Variants in RPLP1 observed in about 807,000 individuals in gnomAD.
RPLP1 encodes the protein ribosomal protein lateral stalk subunit P1.
In RPLP1, 4 loss-of-function variants were observed where a neutral mutation model predicts 11.6. The observed-to-expected ratio is 0.34, with a 90% confidence interval of 0.17 to 0.79. The LOEUF (loss-of-function observed/expected upper bound fraction) is 0.79. RPLP1 is among the 30% of genes least tolerant of loss of function. The pLI, the probability that RPLP1 is intolerant of heterozygous loss-of-function variation, is 0.55. For synonymous variants in RPLP1, 54 were observed against 52.2 expected (o/e 1.03, Z -0.15); for missense variants, 133 against 142.8 (o/e 0.93, Z 0.35).
intron 2 of RPLP1, 97 bp from the exon 3 acceptor site, chr15:69,455,073 T>G (rs1892413648): frequency 6.7e-7 from 1 of 1,490,858 alleles, no homozygotes; most frequent in Non-Finnish European, 8.9e-7. Flanking sequence ...GGTTGATCAC[T>G]GTAACCTGGA....
rs2140435081 is a variant in RPLP1 at position 69,452,983 on chromosome 15, C to T, written c.35C>T (p.Ser12Leu). 6.3e-7 allele frequency: 1 copy of T among 1,578,690 alleles called. No homozygotes were observed. The highest frequency in any genetic ancestry group is 8.6e-7 in the Non-Finnish European group (1 of 1,164,440). The part of the protein sequence containing the change: ...ASVSELACIY[S>L]ALILHDDEVT... The stretch of plus-strand genomic sequence containing the variant: ...GTCTCCGAGCTCGCCTGCATCTACT[C>T]GGCCCTCATTCTGCACGACGATGAG... The change falls in exon 1 of 4, where the codon TCG (serine) becomes TTG (leucine). Residue 12 changes from serine (S) to leucine (L), a missense_variant. Transcript: ENST00000260379.
Position 69,455,672 on chromosome 15 carries a change from G to A in RPLP1, c.*165G>A. On this transcript the variant is annotated 3_prime_UTR_variant, in exon 4 of 4. Coordinates refer to ENST00000260379, the MANE Select transcript of RPLP1 (RefSeq NM_001003.3). ...TTTCCCTGCCACCATTGCCGGATGT[G>A]AGATTTAGACAATCCTGATGCTAAC... is the stretch of plus-strand genomic sequence containing the variant. 1 of 613,986 alleles carries A rather than the reference G, an allele frequency of 1.6e-6. No homozygotes were observed. Among genetic ancestry groups the A allele is most frequent in the Non-Finnish European group, 2.8e-6 (1 of 351,954 alleles). The allele number at this position is 613,986 out of a possible 1,614,324, so 38.0% of individuals were successfully genotyped here.
Position 69,455,152 on chromosome 15 carries a change from C to A in RPLP1, c.148-18C>A. 1.3e-6 allele frequency: 2 copies of A among 1,549,424 alleles called. No individual in the cohort carries two copies. Among genetic ancestry groups the A allele is most frequent in the Non-Finnish European group, 8.7e-7 (1 of 1,153,198 alleles). ...GGACAGAACTGGGCGTTTACCTATG[C>A]ATGCACATGTATTGCAGGCCCTGGC... is the stretch of plus-strand genomic sequence containing the variant. On this transcript the variant is annotated intron_variant, in intron 2 of 3. Coordinates refer to ENST00000260379, the MANE Select transcript of RPLP1 (RefSeq NM_001003.3).
chr15:69,455,830 A>AG lies in RPLP1; in HGVS notation c.*326dup. The AG allele has an allele frequency of 3.9e-6, 1 of 253,220 alleles. No individual in the cohort carries two copies. Among genetic ancestry groups the AG allele is most frequent in the South Asian group, 7.9e-5 (1 of 12,610 alleles). The allele number at this position is 253,220 out of a possible 1,614,324, so 15.7% of individuals were successfully genotyped here. Reference sequence around the variant, plus strand: ...GGTGTGTCCCCTACACTGGGGGTGGAGGGTAATACAGACCAGCTTTAGAAA... The same window carrying AG: ...GGTGTGTCCCCTACACTGGGGGTGGAGGGGTAATACAGACCAGCTTTAGAAA... On this transcript the variant is annotated 3_prime_UTR_variant, in exon 4 of 4. Transcript: ENST00000260379.
chr15:69,453,741 GTGAT>G lies in RPLP1; in HGVS notation c.147+23_147+26del, dbSNP rs769763191. On this transcript the variant is annotated intron_variant, in intron 2 of 3. Transcript: ENST00000260379. The stretch of plus-strand genomic sequence containing the variant: ...GCAAAGGTAAGGTGATGGTGGCAAA[GTGAT>G]TGTGGTAAGGCCTGCTGATTTACGA... The G allele has an allele frequency of 3.4e-5, 55 of 1,613,898 alleles. No homozygotes were observed. Among genetic ancestry groups the G allele is most frequent in the Admixed American group, 8.3e-5 (5 of 60,008 alleles).
At position 69,452,908 on chromosome 15, in the gene RPLP1, G is replaced by T; in HGVS notation, c.-41G>T. ...AGGCCCTCACTTCATCCGGCGACTA[G>T]CACCGCGTCCGGCAGCGCCAGCCCT... On this transcript the variant is annotated 5_prime_UTR_variant, in exon 1 of 4. Transcript: ENST00000260379. 1 of 1,547,196 alleles carries T rather than the reference G, an allele frequency of 6.5e-7. No individual in the cohort carries two copies. Among genetic ancestry groups the T allele is most frequent in the Non-Finnish European group, 8.7e-7 (1 of 1,145,622 alleles).
chr15:69,454,860 G>C (rs1053357214), intron 2 of RPLP1: 2 of 194,712 alleles, frequency 1.0e-5, no homozygotes, highest in Non-Finnish European at 2.1e-5. Context: ...TGTTAGCAAA[G>C]AAAAGCCAGT....
chr15:69,453,525 T>A (rs941961527), intron 1 of RPLP1, 122 bp from the exon 2 acceptor site: 1 of 1,096,238 alleles, frequency 9.1e-7, no homozygotes. Flanking sequence ...ACATCTCTTT[T>A]GCTTGTGATA....
In RPLP1 at chr15:69,455,519, A is replaced by G; in HGVS notation, c.*12A>G. 6.3e-7 allele frequency: 1 copy of G among 1,580,884 alleles called. No homozygotes were observed. Reference sequence around the variant, plus strand: ...GTCTTTTTGACTAAACCTCTTTTATAACATGTTCAATAAAAAGCTGAACTT... The same window carrying G: ...GTCTTTTTGACTAAACCTCTTTTATGACATGTTCAATAAAAAGCTGAACTT... On this transcript the variant is annotated 3_prime_UTR_variant, in exon 4 of 4. Coordinates refer to ENST00000260379, the MANE Select transcript of RPLP1 (RefSeq NM_001003.3).
At chr15:69,453,330 T>C in intron 1 of RPLP1, 1 of 577,866 alleles carries the variant, frequency 1.7e-6, no homozygotes, top group South Asian at 2.1e-5. Flanking sequence ...CTCGTCTCTC[T>C]CAGGGACACT....
intron 1 of RPLP1, chr15:69,453,290 T>A: frequency 1.7e-6 from 1 of 579,278 alleles, no homozygotes; most frequent in East Asian, 2.9e-5. Flanking sequence ...GAAAAGCTCT[T>A]CCGCAGTGCT....
At chr15:69,453,769 G>C in intron 2 of RPLP1, 48 bp downstream of exon 2, 1 of 1,599,562 alleles carries the variant, frequency 6.3e-7, no homozygotes, top group South Asian at 1.1e-5. Context: ...GCTGATTTAC[G>C]AGGGCAGTTG....
rs2140435003 is a variant in RPLP1, at chr15:69,452,922, A to G, written c.-27A>G. The G allele has an allele frequency of 6.4e-7, 1 of 1,562,504 alleles. No homozygotes were observed. The highest frequency in any genetic ancestry group is 2.4e-5 in the East Asian group (1 of 41,536). On this transcript the variant is annotated 5_prime_UTR_variant, in exon 1 of 4. Coordinates refer to ENST00000260379, the MANE Select transcript of RPLP1 (RefSeq NM_001003.3). ...TCCGGCGACTAGCACCGCGTCCGGC[A>G]GCGCCAGCCCTACACTCGCCCGCGC... is the stretch of plus-strand genomic sequence containing the variant.
rs1469347854 is a variant in RPLP1 at position 69,453,859 on chromosome 15, A to T, written c.147+138A>T. On this transcript the variant is annotated intron_variant, in intron 2 of 3. Transcript: ENST00000260379. ...CCTAGGTGTTTTTCGTTGCATGTAT[A>T]TCTCTAGGAGCTAATAAGATTTCAG... 3 of 778,786 alleles carry T rather than the reference A, an allele frequency of 3.9e-6. No homozygotes were observed. In the African/African-American group the frequency reaches 5.2e-5, roughly 13 times the overall value. 48.2% of individuals were successfully genotyped at this position (778,786 alleles called of 1,614,324 possible).
At position 69,452,962 on chromosome 15, in the gene RPLP1, C is replaced by G. The variant is rs1431464735; in HGVS notation, c.14C>G (p.Ser5Cys). 2 of 1,580,254 alleles carry G rather than the reference C, an allele frequency of 1.3e-6. No individual in the cohort carries two copies. The highest frequency in any genetic ancestry group is 8.6e-7 in the Non-Finnish European group (1 of 1,165,384). Residue 5 changes from serine to cysteine, a missense_variant, in exon 1 of 4, where the codon TCC becomes TGC. By Grantham distance (112) the Ser-to-Cys change is moderately radical. Coordinates refer to ENST00000260379, the MANE Select transcript of RPLP1 (RefSeq NM_001003.3). ...CTCGCCCGCGCCATGGCCTCTGTCT[C>G]CGAGCTCGCCTGCATCTACTCGGCC... MASV[S>C]ELACIYSALI...
In RPLP1 at chr15:69,453,406, C is replaced by G. The variant is rs954505811; in HGVS notation, c.73-241C>G. 1.9e-5 allele frequency: 11 copies of G among 589,966 alleles called. No homozygotes were observed. The Admixed American group carries it at 2.2e-4, about 12-fold the overall frequency. The allele number at this position is 589,966 out of a possible 1,614,324, so 36.5% of individuals were successfully genotyped here. On this transcript the variant is annotated intron_variant, in intron 1 of 3. Coordinates refer to ENST00000260379, the MANE Select transcript of RPLP1 (RefSeq NM_001003.3). ...GGTCGTGGAGGAAGGCGCCCGAGCT[C>G]GGCTCCACCTCCCAGGTCTTGTAAC...
chr15:69,455,134 A>G, intron 2 of RPLP1, 36 bp from the exon 3 acceptor site: 1 of 1,530,308 alleles, frequency 6.5e-7, no homozygotes, highest in Non-Finnish European at 8.8e-7. Flanking sequence ...CAAGGACAGA[A>G]CTGGGCGTTT....
Position 69,455,941 on chromosome 15 carries a change from TAA to T in RPLP1, c.*440_*441del, listed in dbSNP as rs757950325. On this transcript the variant is annotated 3_prime_UTR_variant, in exon 4 of 4. Transcript: ENST00000260379. ...TGTTGACTGCTACATCCCAAGGTTG[TAA>T]AAAAACAAGACTTAGCTATGTAATG... 36 of 155,592 alleles carry T rather than the reference TAA, an allele frequency of 2.3e-4. No individual in the cohort carries two copies. The highest frequency in any genetic ancestry group is 3.7e-4 in the Non-Finnish European group (26 of 70,404). 9.6% of individuals were successfully genotyped at this position (155,592 alleles called of 1,614,324 possible). A position where few individuals can be genotyped will look rare whatever the true frequency, so the allele number is the denominator to read the frequency against.
intron 1 of RPLP1, 172 bp from the exon 2 acceptor site, chr15:69,453,475 C>G: frequency 1.5e-6 from 1 of 688,516 alleles, no homozygotes; most frequent in Non-Finnish European, 2.5e-6. Context: ...GCCCGTGAAA[C>G]AGCAGTGATG....
Sources: allele counts gnomAD v4.1 joint callset, GRCh38; gene constraint gnomAD v4.1.1; transcripts MANE v1.5; gene names NCBI Gene and HGNC (gene_info 2026-07-23, HGNC 2026-07-21).